Variants in WDR25 observed in about 807,000 individuals in gnomAD.
WDR25 encodes WD repeat domain 25, also known as WD repeat-containing protein 25.
In WDR25, 35 loss-of-function variants were observed where a neutral mutation model predicts 47.7. That is an observed-to-expected ratio of 0.73 (90% CI 0.56 to 0.97). The LOEUF (loss-of-function observed/expected upper bound fraction) is 0.97, where lower values mean the gene tolerates loss of function less well. Among genes scored for constraint, WDR25 ranks in the 50% least tolerant of loss-of-function variants. The probability of loss-of-function intolerance (pLI) is 0.00; values close to 1 mark genes in which losing one functional copy is unlikely to be tolerated. For missense variants in WDR25, 634 were observed against 704.7 expected (o/e 0.90, Z 1.14); for synonymous variants, 248 against 278.9 (o/e 0.89, Z 1.10).
intron 2 of WDR25, among the ~76,000 whole-genome samples, chr14:100,466,943 G>A (rs1482479465): frequency 1.3e-5 from 2 of 152,334 alleles, no homozygotes; most frequent in East Asian, 3.9e-4. Flanking sequence ...TGCTGGGAGA[G>A]CTGGTGGAAA....
At chr14:100,448,581 C>G (rs1898918120) in intron 2 of WDR25, among the ~76,000 whole-genome samples, 1 of 152,308 alleles carries the variant, frequency 6.6e-6, no homozygotes, top group East Asian at 1.9e-4. Context: ...CCCAGTTACA[C>G]TATCTCAGAG....
chr14:100,382,247 C>T, intron 2 of WDR25: 1 of 697,064 alleles, frequency 1.4e-6, no homozygotes, highest in Non-Finnish European at 2.6e-6. Flanking sequence ...AGGACGGCCC[C>T]CAGTAGGACA....
chr14:100,465,104 A>G (rs1899583492), intron 2 of WDR25, among the ~76,000 whole-genome samples: 1 of 150,932 alleles, frequency 6.6e-6, no homozygotes, highest in Admixed American at 6.6e-5. Context: ...GGCCCTCCTC[A>G]TGCATGTTTT....
rs984497857 is a variant in WDR25, at chr14:100,500,321, C to A, written c.1101+16197C>A. Among the ~76,000 whole-genome samples the A allele has an allele frequency of 1.5e-4, 23 of 152,154 alleles. No individual in the cohort carries two copies. Among genetic ancestry groups the A allele is most frequent in the African/African-American group, 5.6e-4 (23 of 41,420 alleles). ...CTGCGGGGAAGGCCCTGCCCTAATT[C>A]AGTGGCCTAGAGGCAGGCCAGCTCG... On this transcript the variant is annotated intron_variant, in intron 4 of 6. Transcript: ENST00000402312. This position sits in a 1 kb window ranked among gnomAD's most constrained non-coding sequence, Gnocchi z 4.7.
intron 2 of WDR25, among the ~76,000 whole-genome samples, chr14:100,467,791 G>T (rs991624339): frequency 5.3e-5 from 8 of 152,092 alleles, no homozygotes; most frequent in Non-Finnish European, 1.5e-5. Flanking sequence ...CGTCCAGAAT[G>T]CAGTTTTCTT....
At chr14:100,476,737 G>A (rs1049733659) in intron 3 of WDR25, among the ~76,000 whole-genome samples, 4 of 152,192 alleles carry the variant, frequency 2.6e-5, no homozygotes, top group Non-Finnish European at 4.4e-5. Flanking sequence ...CCAGGGTGCC[G>A]TGTGATGCGT....
Position 100,518,014 on chromosome 14 carries a change from T to G in WDR25, c.1102-7856T>G. Among the ~76,000 whole-genome samples, 2 of 152,236 alleles carry G rather than the reference T, an allele frequency of 1.3e-5. 1 individual carries two copies. Among genetic ancestry groups the G allele is most frequent in the Non-Finnish European group, 2.9e-5 (2 of 68,038 alleles). ...TTTCAAGAGTCATACGTATTTCATA[T>G]AACTTAAGTGAAAAAATGATTTTTT... On this transcript the variant is annotated intron_variant, in intron 4 of 6. Transcript: ENST00000402312.
chr14:100,475,487 T>G (rs887887619), intron 3 of WDR25, among the ~76,000 whole-genome samples: 2 of 152,104 alleles, frequency 1.3e-5, no homozygotes, highest in Non-Finnish European at 2.9e-5. Context: ...ACAACATGGG[T>G]GAACCTGGAG....
At position 100,499,420 on chromosome 14, in the gene WDR25, A is replaced by C. The variant is rs1421705333; in HGVS notation, c.1101+15296A>C. 6.6e-6 allele frequency among the ~76,000 whole-genome samples: 1 copy of C among 152,244 alleles called. No individual in the cohort carries two copies. The highest frequency in any genetic ancestry group is 1.5e-5 in the Non-Finnish European group (1 of 68,036). On this transcript the variant is annotated intron_variant, in intron 4 of 6. Coordinates refer to ENST00000402312, the MANE Select transcript of WDR25 (RefSeq NM_001161476.3). This position sits in a 1 kb window ranked among gnomAD's most constrained non-coding sequence, Gnocchi z 4.4. The stretch of plus-strand genomic sequence containing the variant: ...AACACTAAGGCAAACTTCTCTGCAC[A>C]ATAATTCTTAAACGCAGAATTAGTC...
chr14:100,499,838 G>A lies in WDR25; in HGVS notation c.1101+15714G>A, dbSNP rs773246183. Among the ~76,000 whole-genome samples, 1 of 152,132 alleles carries A rather than the reference G, an allele frequency of 6.6e-6. No individual in the cohort carries two copies. The highest frequency in any genetic ancestry group is 2.4e-5 in the African/African-American group (1 of 41,420). ...CTCCCAGTCCTTGCTAATCAGCCCA[G>A]CCAAGCACCTCAGAACTCAAAGGGG... On this transcript the variant is annotated intron_variant, in intron 4 of 6. Transcript: ENST00000402312. The surrounding 1 kb of genome is among the most constrained non-coding windows in gnomAD (Gnocchi z 4.4).
chr14:100,485,592 C>T lies in WDR25; in HGVS notation c.1101+1468C>T, dbSNP rs368607393. On this transcript the variant is annotated intron_variant, in intron 4 of 6. Coordinates refer to ENST00000402312, the MANE Select transcript of WDR25 (RefSeq NM_001161476.3). Reference sequence around the variant, plus strand: ...GTGGCCTGGGCAGAGAGTCTTTCAACGCTGTGTGTCTTGGTCTCAACAGTG... The same window carrying T: ...GTGGCCTGGGCAGAGAGTCTTTCAATGCTGTGTGTCTTGGTCTCAACAGTG... Among the ~76,000 whole-genome samples the T allele has an allele frequency of 1.9e-3, 284 of 152,308 alleles. 1 individual carries two copies. The highest frequency in any genetic ancestry group is 6.8e-3 in the Middle Eastern group (2 of 294).
At chr14:100,510,507 G>GAA (rs1387910958) in intron 4 of WDR25, among the ~76,000 whole-genome samples, 16 of 151,816 alleles carry the variant, frequency 1.1e-4, no homozygotes, top group African/African-American at 3.9e-4. Flanking sequence ...AGGTCAAGGT[G>GAA]GGCGGATCAC....
In WDR25 at chr14:100,493,877, C is replaced by T. The variant is rs114310314; in HGVS notation, c.1101+9753C>T. Among the ~76,000 whole-genome samples, 1,400 of 152,164 alleles carry T rather than the reference C, an allele frequency of 9.2e-3. 19 individuals are homozygous for T. Among genetic ancestry groups the T allele is most frequent in the African/African-American group, 0.032 (1,334 of 41,496 alleles). On this transcript the variant is annotated intron_variant, in intron 4 of 6. Coordinates refer to ENST00000402312, the MANE Select transcript of WDR25 (RefSeq NM_001161476.3). ...GATAGTACCCCTGTAAGAAGAGACA[C>T]GAGAGAGATGAATCTCTCTCCACCA...
At position 100,528,991 on chromosome 14, in the gene WDR25, GCAGGCCC is replaced by G. The variant is rs923292954; in HGVS notation, c.1273-66_1273-60del. The G allele has an allele frequency of 4.7e-6, 7 of 1,474,248 alleles. No homozygotes were observed. The Admixed American group carries it at 1.4e-4, about 30-fold the overall frequency. 91.3% of individuals were successfully genotyped at this position (1,474,248 alleles called of 1,614,324 possible). On this transcript the variant is annotated intron_variant, in intron 5 of 6. Coordinates refer to ENST00000402312, the MANE Select transcript of WDR25 (RefSeq NM_001161476.3). ...GGAGACACCCAGCTAGGGTCTGGGA[GCAGGCCC>G]CAGGCCCCAGAGCAGAGTGCCAGGT...
intron 5 of WDR25, among the ~76,000 whole-genome samples, chr14:100,528,549 C>T (rs980922951): frequency 2.0e-5 from 3 of 150,966 alleles, no homozygotes; most frequent in Non-Finnish European, 4.4e-5. Flanking sequence ...GGGATACAGG[C>T]GTGAGCCACC....
At chr14:100,485,518 C>T (rs1229096925) in intron 4 of WDR25, among the ~76,000 whole-genome samples, 1 of 152,200 alleles carries the variant, frequency 6.6e-6, no homozygotes, top group African/African-American at 2.4e-5. Flanking sequence ...GAGGTGGGAA[C>T]ACAGGATGTC....
chr14:100,443,767 G>A (rs1324954976), intron 2 of WDR25, among the ~76,000 whole-genome samples: 2 of 152,208 alleles, frequency 1.3e-5, no homozygotes, highest in Non-Finnish European at 2.9e-5. Flanking sequence ...TTAATTGGGA[G>A]CGCTCCGGGC....
intron 4 of WDR25, among the ~76,000 whole-genome samples, chr14:100,490,474 T>A (rs190805268): frequency 6.6e-6 from 1 of 152,336 alleles, no homozygotes; most frequent in African/African-American, 2.4e-5. Flanking sequence ...GATCTCAGGA[T>A]GATAGTAATA....
At chr14:100,451,479 CAA>C (rs1271070063) in intron 2 of WDR25, among the ~76,000 whole-genome samples, 2 of 152,160 alleles carry the variant, frequency 1.3e-5, no homozygotes, top group African/African-American at 4.8e-5. Context: ...CTCAGCCACC[CAA>C]AGTGTTGGGA....
Sources: allele counts gnomAD v4.1 joint callset (sites outside exome capture counted in the v4.1 genomes callset), GRCh38; gene constraint gnomAD v4.1.1; non-coding constraint Gnocchi (gnomAD v3.1); transcripts MANE v1.5; gene names NCBI Gene and HGNC (gene_info 2026-07-23, HGNC 2026-07-21).